KCNIP4: variants seen among roughly 807,000 people sequenced by gnomAD.
KCNIP4 encodes the protein potassium voltage-gated channel interacting protein 4.
A neutral mutation model predicts 34.0 loss-of-function variants in KCNIP4; 12 were observed. That is an observed-to-expected ratio of 0.35 (90% CI 0.23 to 0.57). The LOEUF (loss-of-function observed/expected upper bound fraction) is 0.57. Ranked by LOEUF, KCNIP4 falls within the 20% of genes least tolerant of loss-of-function variation. KCNIP4 has a pLI of 0.83. For missense variants in KCNIP4, 238 were observed against 311.7 expected (o/e 0.76, Z 1.78); for synonymous variants, 124 against 102.2 (o/e 1.21, Z -1.29).
chr4:21,727,881 T>C (rs562760438), intron 1 of KCNIP4, among the ~76,000 whole-genome samples: 43 of 152,202 alleles, frequency 2.8e-4, no homozygotes, highest in Non-Finnish European at 6.0e-4. Context: ...TTTGCCTTTG[T>C]TCAGAATATT....
chr4:21,350,117 A>G (rs1289009878), intron 1 of KCNIP4, among the ~76,000 whole-genome samples: 2 of 152,130 alleles, frequency 1.3e-5, no homozygotes, highest in Admixed American at 1.3e-4. Context: ...ATTATTCACC[A>G]ATTTTGGTAT....
At chr4:21,143,513 C>T (rs893220977) in intron 1 of KCNIP4, among the ~76,000 whole-genome samples, 5 of 152,048 alleles carry the variant, frequency 3.3e-5, no homozygotes, top group African/African-American at 1.2e-4. Context: ...CCAGCAACAC[C>T]TTGATTTTGG....
At chr4:21,620,228 C>T (rs952125328) in intron 1 of KCNIP4, among the ~76,000 whole-genome samples, 9 of 152,080 alleles carry the variant, frequency 5.9e-5, no homozygotes, top group Non-Finnish European at 1.0e-4. Context: ...TGTGGCCAGG[C>T]GTGGTGGCTC....
chr4:20,851,792 GA>G (rs548164606), intron 2 of KCNIP4, among the ~76,000 whole-genome samples: 122 of 152,278 alleles, frequency 8.0e-4, no homozygotes, highest in African/African-American at 2.6e-3. Context: ...ATAAACAATG[GA>G]ATTGTCATTT....
At chr4:21,110,291 A>T (rs1749039633) in intron 1 of KCNIP4, among the ~76,000 whole-genome samples, 1 of 152,206 alleles carries the variant, frequency 6.6e-6, no homozygotes, top group Non-Finnish European at 1.5e-5. Flanking sequence ...AGGTGGGTTT[A>T]CTTCACTTGC....
intron 1 of KCNIP4, among the ~76,000 whole-genome samples, chr4:21,898,645 C>T (rs535798933): frequency 1.3e-5 from 2 of 152,290 alleles, no homozygotes; most frequent in East Asian, 1.9e-4. Flanking sequence ...CATACCCAGG[C>T]AGTACTTGCT....
intron 1 of KCNIP4, among the ~76,000 whole-genome samples, chr4:21,899,783 T>C (rs184648491): frequency 3.3e-5 from 5 of 152,244 alleles, no homozygotes. Flanking sequence ...ATGCAATATA[T>C]TAAAGAGGAC....
chr4:21,528,157 T>C (rs1736132797), intron 1 of KCNIP4, among the ~76,000 whole-genome samples: 2 of 152,202 alleles, frequency 1.3e-5, no homozygotes. Flanking sequence ...TTGCTCTCAC[T>C]GATTCCAGAT....
intron 1 of KCNIP4, among the ~76,000 whole-genome samples, chr4:21,440,869 T>C (rs569367539): frequency 6.6e-6 from 1 of 152,262 alleles, no homozygotes; most frequent in Non-Finnish European, 1.5e-5. Flanking sequence ...CAAACCAGCC[T>C]AACTCCTAGA....
chr4:21,925,452 A>G (rs2109001153), intron 1 of KCNIP4, among the ~76,000 whole-genome samples: 1 of 152,184 alleles, frequency 6.6e-6, no homozygotes, highest in Admixed American at 6.5e-5. Flanking sequence ...CATGGTGTAT[A>G]CGTGCCACAT....
chr4:21,483,302 A>T (rs899292121), intron 1 of KCNIP4, among the ~76,000 whole-genome samples: 2 of 152,058 alleles, frequency 1.3e-5, no homozygotes, highest in African/African-American at 4.8e-5. Context: ...TCATCAAATT[A>T]ATAATAAGAA....
At chr4:21,644,189 C>A (rs1377951948) in intron 1 of KCNIP4, among the ~76,000 whole-genome samples, 1 of 152,032 alleles carries the variant, frequency 6.6e-6, no homozygotes. Flanking sequence ...CTACAGAGAT[C>A]CAGAGTCAGT....
At chr4:21,420,850 G>A (rs531341680) in intron 1 of KCNIP4, among the ~76,000 whole-genome samples, 3 of 152,280 alleles carry the variant, frequency 2.0e-5, no homozygotes, top group South Asian at 4.1e-4. Flanking sequence ...AGTGAGTGAA[G>A]AGACAGCCTA....
chr4:21,828,835 C>T (rs34839938), intron 1 of KCNIP4, among the ~76,000 whole-genome samples: 11,881 of 151,904 alleles, frequency 0.078, 536 homozygotes, highest in Middle Eastern at 0.13. Flanking sequence ...CACGAACACA[C>T]ACTATCTAAA....
At chr4:21,427,537 C>T (rs1013922868) in intron 1 of KCNIP4, among the ~76,000 whole-genome samples, 6 of 152,020 alleles carry the variant, frequency 3.9e-5, no homozygotes, top group African/African-American at 1.4e-4. Context: ...TAGGGGATAC[C>T]CTGCAGGGAG....
chr4:21,102,947 C>A lies in KCNIP4; in HGVS notation c.62-220238G>T, dbSNP rs115662183. Among the ~76,000 whole-genome samples, 307 of 152,204 alleles carry A rather than the reference C, an allele frequency of 2.0e-3. 4 individuals carry two copies. The highest frequency in any genetic ancestry group is 7.1e-3 in the African/African-American group (293 of 41,530). ...AGTCTGAAAAATGTGAGTCAAACCACAGATTGGCTGGTAGGAAAAAAAGAA... is the reference window on the plus strand; with the variant it reads ...AGTCTGAAAAATGTGAGTCAAACCAAAGATTGGCTGGTAGGAAAAAAAGAA... On this transcript the variant is annotated intron_variant, in intron 1 of 8. Coordinates refer to ENST00000382152, the MANE Select transcript of KCNIP4 (RefSeq NM_025221.6).
intron 1 of KCNIP4, among the ~76,000 whole-genome samples, chr4:21,767,842 C>T (rs1005912170): frequency 6.7e-6 from 1 of 149,236 alleles, no homozygotes; most frequent in African/African-American, 2.4e-5. Context: ...AACTTACCAC[C>T]GACATATCTA....
chr4:20,850,985 G>A (rs761597999), intron 2 of KCNIP4, among the ~76,000 whole-genome samples: 1 of 152,020 alleles, frequency 6.6e-6, no homozygotes, highest in Non-Finnish European at 1.5e-5. Flanking sequence ...CAAACAAAAA[G>A]TTTAAGTAGC....
At chr4:20,890,826 T>C (rs1725839963) in intron 1 of KCNIP4, among the ~76,000 whole-genome samples, 1 of 152,242 alleles carries the variant, frequency 6.6e-6, no homozygotes, top group Non-Finnish European at 1.5e-5. Context: ...TTTTATCTTA[T>C]AATGCCTGAC....
Sources: gnomAD v4.1 joint callset for allele counts (sites outside exome capture counted in the v4.1 genomes callset) on GRCh38, gnomAD v4.1.1 for gene constraint, MANE v1.5 for transcripts, NCBI Gene and HGNC (gene_info 2026-07-23, HGNC 2026-07-21) for gene names.